Variants in ENTREP2 observed in about 807,000 individuals in gnomAD.
ENTREP2 encodes the protein protein ENTREP2.
the ENTREP2 span, among the ~76,000 whole-genome samples, chr15:29,615,922 A>G: frequency 2.0e-5 from 3 of 152,208 alleles, no homozygotes; most frequent in Admixed American, 6.5e-5. Context: ...CTAGAAGCTC[A>G]AAGTGTGGGC....
the ENTREP2 span, among the ~76,000 whole-genome samples, chr15:29,135,867 T>C: frequency 2.0e-5 from 3 of 152,072 alleles, no homozygotes; most frequent in Non-Finnish European, 4.4e-5. This position sits in a 1 kb window ranked among gnomAD's most constrained non-coding sequence, Gnocchi z 7.4. Context: ...CAGAGGGCGG[T>C]GATGGCAGTG....
At chr15:29,563,844 A>AAATAAATAAAT in the ENTREP2 span, among the ~76,000 whole-genome samples, 6,999 of 150,854 alleles carry the variant, frequency 0.046, 226 homozygotes, top group African/African-American at 0.074. Context: ...CTCAAAAATA[A>AAATAAATAAAT]AAATAAATAA....
the ENTREP2 span, among the ~76,000 whole-genome samples, chr15:29,397,223 C>T: frequency 6.6e-6 from 1 of 151,966 alleles, no homozygotes; most frequent in Non-Finnish European, 1.5e-5. Context: ...AAACCTGTCT[C>T]CACTAAAAAT....
chr15:29,639,338 C>G, the ENTREP2 span, among the ~76,000 whole-genome samples: 1 of 152,332 alleles, frequency 6.6e-6, no homozygotes, highest in South Asian at 2.1e-4. Context: ...TCATAATTAT[C>G]TGTCGGTTTG....
At chr15:29,460,672 T>G in the ENTREP2 span, among the ~76,000 whole-genome samples, 1 of 152,124 alleles carries the variant, frequency 6.6e-6, no homozygotes, top group Admixed American at 6.6e-5. Context: ...ACACAATTCT[T>G]AAATCATCAC....
At chr15:29,327,752 G>A in the ENTREP2 span, among the ~76,000 whole-genome samples, 5 of 152,128 alleles carry the variant, frequency 3.3e-5, no homozygotes, top group African/African-American at 1.2e-4. Flanking sequence ...CTATCACAAT[G>A]GCTAAAATCC....
chr15:29,238,023 A>C, the ENTREP2 span, among the ~76,000 whole-genome samples: 1 of 152,248 alleles, frequency 6.6e-6, no homozygotes, highest in African/African-American at 2.4e-5. Flanking sequence ...TCAGACATAA[A>C]AAAGAATGAA....
the ENTREP2 span, among the ~76,000 whole-genome samples, chr15:29,519,187 A>G: frequency 6.6e-6 from 1 of 152,070 alleles, no homozygotes; most frequent in Non-Finnish European, 1.5e-5. Context: ...ATACACACAC[A>G]GAGTAGATAA....
At chr15:29,126,304 G>A in the ENTREP2 span, 2 of 1,495,302 alleles carry the variant, frequency 1.3e-6, no homozygotes, top group Non-Finnish European at 1.8e-6. Context: ...GGTCGCTGGT[G>A]GAGCGGGACA....
At chr15:29,669,578 G>A in the ENTREP2 span, among the ~76,000 whole-genome samples, 1 of 152,304 alleles carries the variant, frequency 6.6e-6, no homozygotes, top group South Asian at 2.1e-4. Flanking sequence ...TGGACAGAGA[G>A]AGTTCTTAAG....
the ENTREP2 span, among the ~76,000 whole-genome samples, chr15:29,310,960 G>A: frequency 6.6e-6 from 1 of 152,116 alleles, no homozygotes; most frequent in Non-Finnish European, 1.5e-5. Flanking sequence ...GAACAGAGTA[G>A]ACATGAGTGA....
chr15:29,380,686 ACT>A, the ENTREP2 span, among the ~76,000 whole-genome samples: 8 of 152,058 alleles, frequency 5.3e-5, no homozygotes, highest in East Asian at 1.6e-3. Context: ...AATTCAAGTA[ACT>A]CTTTTTATTT....
chr15:29,260,256 G>A, the ENTREP2 span, among the ~76,000 whole-genome samples: 2 of 152,170 alleles, frequency 1.3e-5, no homozygotes, highest in East Asian at 3.9e-4. Context: ...TGGTACCGAA[G>A]TCAGACAAAG....
the ENTREP2 span, among the ~76,000 whole-genome samples, chr15:29,601,528 T>C: frequency 1.3e-3 from 196 of 152,174 alleles, no homozygotes; most frequent in African/African-American, 4.6e-3. Context: ...AAGTTTATTG[T>C]CAATAAGTCC....
the ENTREP2 span, among the ~76,000 whole-genome samples, chr15:29,212,422 A>T: frequency 6.6e-6 from 1 of 152,134 alleles, no homozygotes; most frequent in Non-Finnish European, 1.5e-5. Flanking sequence ...ATCTTTTCAA[A>T]GAACCGGCTT....
At chr15:29,639,687 G>A in the ENTREP2 span, among the ~76,000 whole-genome samples, 586 of 149,900 alleles carry the variant, frequency 3.9e-3, 9 homozygotes, top group Admixed American at 0.037. Flanking sequence ...GAAATAAGAA[G>A]AATTAGAGAG....
chr15:29,181,080 A>G, the ENTREP2 span, among the ~76,000 whole-genome samples: 7 of 152,130 alleles, frequency 4.6e-5, no homozygotes, highest in East Asian at 1.3e-3. Flanking sequence ...ATTAACAAAG[A>G]AAGAAAAGGA....
At chr15:29,306,066 C>T in the ENTREP2 span, among the ~76,000 whole-genome samples, 9 of 152,276 alleles carry the variant, frequency 5.9e-5, no homozygotes, top group South Asian at 2.1e-4. Flanking sequence ...TCACTGACTG[C>T]GGGATTTGGC....
the ENTREP2 span, among the ~76,000 whole-genome samples, chr15:29,576,996 A>G: frequency 6.6e-6 from 1 of 151,998 alleles, no homozygotes; most frequent in South Asian, 2.1e-4. Context: ...TTTAATGGAG[A>G]TGGGGTTTCA....
Sources: allele counts gnomAD v4.1 joint callset (sites outside exome capture counted in the v4.1 genomes callset), GRCh38; gene constraint gnomAD v4.1.1; non-coding constraint Gnocchi (gnomAD v3.1); transcripts MANE v1.5; gene names NCBI Gene and HGNC (gene_info 2026-07-23, HGNC 2026-07-21).